The following GSDMC variants were observed in gnomAD, a reference collection of about 807,000 sequenced individuals.
The protein encoded by GSDMC is gasdermin C, also known as gasdermin-C.
Under a neutral mutation model 58.0 loss-of-function variants are expected in GSDMC, and 59 were observed. The ratio of observed to expected loss-of-function variants is 1.02; its 90% CI spans 0.82 to 1.26. The LOEUF is 1.26. Ranked by LOEUF, GSDMC falls within the 50% of genes most tolerant of loss-of-function variation. GSDMC has a pLI of 0.00. For missense variants in GSDMC, 659 were observed against 598.5 expected, an observed-to-expected ratio of 1.10 and a Z score of -1.06; for synonymous variants, 241 against 220.2, an observed-to-expected ratio of 1.09 and a Z score of -0.83.
Position 129,783,287 on chromosome 8 carries a change from A to G in GSDMC, c.-5+2724T>C, listed in dbSNP as rs150585248. On this transcript the variant is annotated intron_variant, in intron 1 of 13. Coordinates refer to ENST00000276708, the MANE Select transcript of GSDMC (RefSeq NM_031415.3). ...AACATAAAGGGCATCCAAATTGGAA[A>G]GGAAGAAGTCAAATTGTCCTTGTTT... 2.2e-3 allele frequency among the ~76,000 whole-genome samples: 332 copies of G among 152,340 alleles called. 1 individual carries two copies. The highest frequency in any genetic ancestry group is 7.6e-3 in the African/African-American group (316 of 41,588).
At chr8:129,725,418 G>A in the GSDMC span, among the ~76,000 whole-genome samples, 1 of 152,138 alleles carries the variant, frequency 6.6e-6, no homozygotes, top group Middle Eastern at 3.2e-3. Flanking sequence ...CACATGCTGT[G>A]AGGTATGTAA....
the GSDMC span, among the ~76,000 whole-genome samples, chr8:129,721,867 C>A: frequency 2.0e-5 from 3 of 152,222 alleles, no homozygotes; most frequent in South Asian, 6.2e-4. Context: ...CAGAACAATG[C>A]GCTGTATGTT....
At chr8:129,741,694 T>C in the GSDMC span, among the ~76,000 whole-genome samples, 2 of 152,022 alleles carry the variant, frequency 1.3e-5, no homozygotes, top group African/African-American at 4.8e-5. Flanking sequence ...GAATGTAAAT[T>C]AATACAGCCA....
At chr8:129,745,425 C>T (rs1162793337), downstream of GSDMC, among the ~76,000 whole-genome samples, 1 of 152,092 alleles carries the variant, frequency 6.6e-6, no homozygotes, top group Non-Finnish European at 1.5e-5. Flanking sequence ...TCACTGCTTC[C>T]TAAGTGGTCT....
In GSDMC at chr8:129,749,437, C is replaced by A. The variant is rs774922040; in HGVS notation, c.1287+15G>T. ...ACCCTCTTCCCTGAACTTCTGGCCCCTGGGAAGTTCTCACCAGCTCCTGTT... is the reference window on the plus strand; with the variant it reads ...ACCCTCTTCCCTGAACTTCTGGCCCATGGGAAGTTCTCACCAGCTCCTGTT... On this transcript the variant is annotated intron_variant, in intron 13 of 13. Coordinates refer to ENST00000276708, the MANE Select transcript of GSDMC (RefSeq NM_031415.3). 2 of 1,583,642 alleles carry A rather than the reference C, an allele frequency of 1.3e-6. No individual in the cohort carries two copies. Among genetic ancestry groups the A allele is most frequent in the Non-Finnish European group, 1.7e-6 (2 of 1,152,214 alleles).
the GSDMC span, among the ~76,000 whole-genome samples, chr8:129,733,514 T>C: frequency 2.0e-5 from 3 of 152,180 alleles, no homozygotes. Context: ...CTGCTGGTGA[T>C]ACCCAGGCAA....
the GSDMC span, among the ~76,000 whole-genome samples, chr8:129,727,115 C>T: frequency 6.6e-6 from 1 of 151,958 alleles, no homozygotes; most frequent in African/African-American, 2.4e-5. Context: ...AGAATGTGCC[C>T]TTATTTGGAA....
At chr8:129,759,414 A>G (rs1175084655) in intron 6 of GSDMC, among the ~76,000 whole-genome samples, 2 of 152,146 alleles carry the variant, frequency 1.3e-5, no homozygotes, top group Admixed American at 6.6e-5. Context: ...ACAATCAACA[A>G]AGTGAAGACA....
intron 3 of GSDMC, among the ~76,000 whole-genome samples, chr8:129,768,911 C>T (rs1298307941): frequency 6.6e-6 from 1 of 152,128 alleles, no homozygotes; most frequent in Non-Finnish European, 1.5e-5. Flanking sequence ...GAGACCACAT[C>T]TCTCCAAAAA....
intron 6 of GSDMC, among the ~76,000 whole-genome samples, chr8:129,755,059 A>G (rs2033372814): frequency 6.6e-6 from 1 of 152,212 alleles, no homozygotes; most frequent in Non-Finnish European, 1.5e-5. Context: ...CCAAAGGAAT[A>G]ATATTAAAGA....
the GSDMC span, among the ~76,000 whole-genome samples, chr8:129,712,225 T>C: frequency 6.6e-6 from 1 of 152,264 alleles, no homozygotes; most frequent in African/African-American, 2.4e-5. Flanking sequence ...ATACGTGGCA[T>C]ATTTTATCAT....
chr8:129,720,428 A>G, the GSDMC span, among the ~76,000 whole-genome samples: 2 of 152,298 alleles, frequency 1.3e-5, no homozygotes, highest in South Asian at 4.1e-4. Flanking sequence ...TTTAAAAGCC[A>G]ATAACTTGAT....
At chr8:129,747,738 G>A (rs918722218), downstream of GSDMC, among the ~76,000 whole-genome samples, 2 of 152,130 alleles carry the variant, frequency 1.3e-5, no homozygotes, top group African/African-American at 2.4e-5. Context: ...CTGGGAGCAC[G>A]AGACCAGCTG....
the GSDMC span, among the ~76,000 whole-genome samples, chr8:129,709,439 G>T: frequency 2.0e-5 from 3 of 152,104 alleles, no homozygotes; most frequent in African/African-American, 7.2e-5. Context: ...GTAGATGATA[G>T]ATGGCTAGAT....
chr8:129,761,013 G>A (rs2033638581), intron 5 of GSDMC, among the ~76,000 whole-genome samples: 2 of 152,140 alleles, frequency 1.3e-5, no homozygotes, highest in Non-Finnish European at 2.9e-5. Flanking sequence ...AAGAGCCTAT[G>A]AAGAAGACAA....
chr8:129,732,786 T>C, the GSDMC span, among the ~76,000 whole-genome samples: 1 of 152,176 alleles, frequency 6.6e-6, no homozygotes, highest in Admixed American at 6.5e-5. Context: ...CTGAGGTACC[T>C]GGTTCATCTC....
the GSDMC span, among the ~76,000 whole-genome samples, chr8:129,716,733 T>C: frequency 6.6e-6 from 1 of 152,180 alleles, no homozygotes; most frequent in Non-Finnish European, 1.5e-5. Context: ...TGCCTATTCA[T>C]TATGACATCG....
chr8:129,739,941 G>C, the GSDMC span, among the ~76,000 whole-genome samples: 5 of 152,172 alleles, frequency 3.3e-5, no homozygotes, highest in African/African-American at 9.7e-5. Context: ...AGACCTTCCA[G>C]TGGGACCAGG....
intron 3 of GSDMC, among the ~76,000 whole-genome samples, chr8:129,767,297 G>A (rs1198137250): frequency 6.6e-6 from 1 of 151,586 alleles, no homozygotes; most frequent in Admixed American, 6.6e-5. Flanking sequence ...GCCCAAATAG[G>A]GAGGCCAGCC....
Sources: allele counts gnomAD v4.1 joint callset (sites outside exome capture counted in the v4.1 genomes callset), GRCh38; gene constraint gnomAD v4.1.1; transcripts MANE v1.5; gene names NCBI Gene and HGNC (gene_info 2026-07-23, HGNC 2026-07-21).